The following TOX2 variants were observed in gnomAD, a reference collection of about 807,000 sequenced individuals.
TOX2 encodes the protein TOX high mobility group box family member 2, also known as granulosa cell HMG box 1.
In TOX2, 15 loss-of-function variants were observed where a neutral mutation model predicts 47.4. The ratio of observed to expected loss-of-function variants is 0.32; its 90% CI spans 0.21 to 0.49. The LOEUF (loss-of-function observed/expected upper bound fraction) is 0.49, where lower values mean the gene tolerates loss of function less well. TOX2 is among the 20% of genes least tolerant of loss of function. The pLI is 0.99. For missense variants in TOX2, 622 were observed against 673.1 expected, an observed-to-expected ratio of 0.92 and a Z score of 0.84; for synonymous variants, 290 against 296.6, an observed-to-expected ratio of 0.98 and a Z score of 0.23.
chr20:43,934,136 G>GGAGAGAGAGAGAGAGAGAGAGAGAGA (rs56662660), intron 1 of TOX2, among the ~76,000 whole-genome samples: 11 of 122,166 alleles, frequency 9.0e-5, no homozygotes, highest in African/African-American at 3.6e-4. Flanking sequence ...CCCAAGGTAA[G>GGAGAGAGAGAGAGAGAGAGAGAGAGA]GAGAGAGAGA....
chr20:43,990,124 A>T (rs2070342944), intron 2 of TOX2, among the ~76,000 whole-genome samples: 1 of 152,182 alleles, frequency 6.6e-6, no homozygotes, highest in Non-Finnish European at 1.5e-5. Context: ...TGCCTCATAG[A>T]GTTGTTGTGA....
chr20:44,010,002 C>A (rs1047109586), intron 3 of TOX2, among the ~76,000 whole-genome samples: 17 of 152,222 alleles, frequency 1.1e-4, no homozygotes, highest in African/African-American at 1.4e-4. Flanking sequence ...TCGTACCCAC[C>A]TGAGGATTGT....
At chr20:43,961,488 A>G (rs2069756530) in intron 1 of TOX2, among the ~76,000 whole-genome samples, 3 of 152,138 alleles carry the variant, frequency 2.0e-5, no homozygotes. Context: ...GGCCTTACCC[A>G]TCATGGTCCC....
chr20:43,919,673 C>T (rs570116709), intron 1 of TOX2, among the ~76,000 whole-genome samples: 1 of 152,326 alleles, frequency 6.6e-6, no homozygotes, highest in South Asian at 2.1e-4. Context: ...CACTCCCTCC[C>T]TCCCCCCGGC....
intron 8 of TOX2, 147 bp from the exon 9 acceptor site, chr20:44,068,503 G>A: frequency 3.5e-6 from 3 of 863,608 alleles, no homozygotes; most frequent in Admixed American, 5.7e-5. Flanking sequence ...GGTGGGGGTG[G>A]GACTTGCAGA....
chr20:44,066,613 G>T lies in TOX2; in HGVS notation c.1357-117G>T, dbSNP rs1052949716. 2.7e-6 allele frequency: 4 copies of T among 1,492,550 alleles called. No individual in the cohort carries two copies. In the African/African-American group the frequency reaches 5.5e-5, roughly 21 times the overall value. The allele number at this position is 1,492,550 out of a possible 1,614,324, so 92.5% of individuals were successfully genotyped here. On this transcript the variant is annotated intron_variant, in intron 7 of 8. Coordinates refer to ENST00000341197, the MANE Select transcript of TOX2 (RefSeq NM_001098797.2). ...TGGGAGCAAGGCAGCAGCCCTGGAG[G>T]CAGCATCTCTTTGGTGTGGACACCC...
intron 1 of TOX2, among the ~76,000 whole-genome samples, chr20:43,937,940 T>C (rs1252217464): frequency 6.6e-6 from 1 of 152,154 alleles, no homozygotes; most frequent in Non-Finnish European, 1.5e-5. Context: ...GGGTTCCAGC[T>C]TCTTGCCAAT....
At chr20:43,980,858 A>G (rs2070158049) in intron 2 of TOX2, among the ~76,000 whole-genome samples, 1 of 152,212 alleles carries the variant, frequency 6.6e-6, no homozygotes, top group Non-Finnish European at 1.5e-5. Context: ...ATAAAAATTA[A>G]CATAAAATCA....
At chr20:44,003,589 G>A (rs2070624441) in intron 2 of TOX2, among the ~76,000 whole-genome samples, 2 of 152,190 alleles carry the variant, frequency 1.3e-5, no homozygotes, top group African/African-American at 4.8e-5. Context: ...CACACAAGAA[G>A]TCAGTTAACT....
intron 1 of TOX2, among the ~76,000 whole-genome samples, chr20:43,923,858 G>A (rs1359106066): frequency 3.9e-5 from 6 of 152,170 alleles, no homozygotes; most frequent in African/African-American, 1.4e-4. Context: ...GCTTGGGCCG[G>A]GGAGAAGCTG....
intron 3 of TOX2, among the ~76,000 whole-genome samples, chr20:44,040,433 G>A (rs995943773): frequency 6.6e-6 from 1 of 152,138 alleles, no homozygotes; most frequent in Non-Finnish European, 1.5e-5. Flanking sequence ...GAGGCAGCAG[G>A]CCCAGGAGTT....
chr20:43,923,541 T>A (rs1396533252), intron 1 of TOX2, among the ~76,000 whole-genome samples: 1 of 152,178 alleles, frequency 6.6e-6, no homozygotes, highest in African/African-American at 2.4e-5. Context: ...CAGTCTGGGA[T>A]CCACACTTAG....
chr20:43,970,374 G>T (rs1000119553), intron 1 of TOX2, among the ~76,000 whole-genome samples: 1 of 152,232 alleles, frequency 6.6e-6, no homozygotes, highest in Non-Finnish European at 1.5e-5. Flanking sequence ...TTTATTGATT[G>T]TCTACTGTGC....
intron 2 of TOX2, among the ~76,000 whole-genome samples, chr20:43,979,891 G>A (rs6065680): frequency 0.11 from 16,529 of 152,184 alleles, 1,015 homozygotes; most frequent in Middle Eastern, 0.17. Context: ...TGCTGGTGAG[G>A]ATATGGAGAA....
chr20:43,980,054 A>G (rs1042272970), intron 2 of TOX2, among the ~76,000 whole-genome samples: 1 of 152,240 alleles, frequency 6.6e-6, no homozygotes, highest in African/African-American at 2.4e-5. Flanking sequence ...GGAAATCAGT[A>G]TATTGAAGAT....
intron 2 of TOX2, among the ~76,000 whole-genome samples, chr20:44,005,493 G>A (rs1299252652): frequency 6.6e-6 from 1 of 152,170 alleles, no homozygotes; most frequent in African/African-American, 2.4e-5. Context: ...GAAAATTATA[G>A]GCCAGTCACA....
intron 2 of TOX2, among the ~76,000 whole-genome samples, chr20:43,980,739 G>T (rs2070155749): frequency 6.6e-6 from 1 of 152,046 alleles, no homozygotes; most frequent in South Asian, 2.1e-4. Flanking sequence ...AAACCTTAAG[G>T]TATACTTTAC....
chr20:43,950,990 G>C (rs971563052), intron 1 of TOX2, among the ~76,000 whole-genome samples: 1 of 151,840 alleles, frequency 6.6e-6, no homozygotes, highest in Admixed American at 6.6e-5. Context: ...GGGGTGAGGG[G>C]GGTTTGTTTC....
chr20:44,004,071 A>G (rs572435511), intron 2 of TOX2, among the ~76,000 whole-genome samples: 5 of 152,062 alleles, frequency 3.3e-5, no homozygotes, highest in African/African-American at 4.8e-5. Flanking sequence ...GATTTTAAAG[A>G]TATTTTGGAG....
Sources: allele counts gnomAD v4.1 joint callset (sites outside exome capture counted in the v4.1 genomes callset), GRCh38; gene constraint gnomAD v4.1.1; transcripts MANE v1.5; gene names NCBI Gene and HGNC (gene_info 2026-07-23, HGNC 2026-07-21).